NOC3L: variants seen among roughly 807,000 people sequenced by gnomAD.
NOC3L encodes NOC3 like DNA replication regulator, also known as nucleolar complex protein 3 homolog.
NOC3L carries 85 observed loss-of-function variants against 102.5 expected under a neutral mutation model. That is an observed-to-expected ratio of 0.83 (90% CI 0.70 to 0.99). The LOEUF is 0.99. Ranked by LOEUF, NOC3L falls within the 50% of genes least tolerant of loss-of-function variation. The probability of loss-of-function intolerance (pLI) is 0.00; values close to 1 mark genes in which losing one functional copy is unlikely to be tolerated. For synonymous variants in NOC3L, 303 were observed against 309.4 expected (o/e 0.98, Z 0.22); for missense variants, 878 against 914.9 (o/e 0.96, Z 0.52).
At chr10:94,336,354 G>GTT (rs796077651) in intron 19 of NOC3L, among the ~76,000 whole-genome samples, 14 of 144,784 alleles carry the variant, frequency 9.7e-5, no homozygotes, top group African/African-American at 3.0e-4. Flanking sequence ...ATAAATTTCT[G>GTT]TTTTTTTTTT....
At chr10:94,341,431 TAA>T (rs1285347169) in intron 14 of NOC3L, among the ~76,000 whole-genome samples, 1,830 of 139,790 alleles carry the variant, frequency 0.013, 47 homozygotes, top group African/African-American at 0.045. Context: ...TGCATCAATT[TAA>T]AAAAAAAAAA....
intron 14 of NOC3L, 54 bp from the exon 15 acceptor site, chr10:94,340,550 G>GC: frequency 7.0e-7 from 1 of 1,437,086 alleles, no homozygotes; most frequent in Non-Finnish European, 9.6e-7. Context: ...AATGGTAATT[G>GC]CCATTTATAG....
intron 17 of NOC3L, 112 bp downstream of exon 17, chr10:94,339,627 T>C: frequency 1.1e-6 from 1 of 883,532 alleles, no homozygotes; most frequent in Non-Finnish European, 1.7e-6. Context: ...GTTACAAGTG[T>C]GAATTACTTC....
At position 94,341,747 on chromosome 10, in the gene NOC3L, T is replaced by C. The variant is rs754627120; in HGVS notation, c.1572-2A>G. The C allele has an allele frequency of 1.3e-6, 2 of 1,533,954 alleles. No homozygotes were observed. Among genetic ancestry groups the C allele is most frequent in the Non-Finnish European group, 1.8e-6 (2 of 1,137,050 alleles). ...TCCACATTTATAAGGTGAGCAAACC[T>C]GGAATCAAACAAAACAGTTAATCAG... On this transcript the variant is annotated splice_acceptor_variant, in intron 13 of 20. Transcript: ENST00000371361. LOFTEE classifies it high-confidence loss of function.
intron 20 of NOC3L, 104 bp from the exon 21 acceptor site, chr10:94,334,409 A>G (rs893090617): frequency 5.5e-6 from 4 of 726,344 alleles, no homozygotes; most frequent in Non-Finnish European, 9.3e-6. Context: ...CAACACATGC[A>G]ACACAATGAC....
intron 5 of NOC3L, 130 bp downstream of exon 5, chr10:94,356,405 G>A: frequency 1.5e-6 from 1 of 647,476 alleles, no homozygotes; most frequent in Non-Finnish European, 2.7e-6. Context: ...GTGGAAAAAT[G>A]TTCAAAGTGA....
At chr10:94,347,038 A>C (rs1040432824) in intron 10 of NOC3L, among the ~76,000 whole-genome samples, 2 of 152,176 alleles carry the variant, frequency 1.3e-5, no homozygotes, top group Non-Finnish European at 2.9e-5. Context: ...CCATTCAAAA[A>C]TTCAGAAACT....
chr10:94,361,641 A>G, intron 2 of NOC3L, 24 bp downstream of exon 2: 1 of 1,600,022 alleles, frequency 6.2e-7, no homozygotes, highest in South Asian at 1.1e-5. Flanking sequence ...TGGAAACCAG[A>G]GCACATGATG....
intron 13 of NOC3L, among the ~76,000 whole-genome samples, chr10:94,343,288 T>C (rs182778241): frequency 6.6e-6 from 1 of 152,328 alleles, no homozygotes; most frequent in East Asian, 1.9e-4. Flanking sequence ...CTCACGCCTG[T>C]AATCCTAGCA....
intron 19 of NOC3L, among the ~76,000 whole-genome samples, chr10:94,337,359 A>G (rs1485729352): frequency 1.2e-5 from 1 of 86,710 alleles, no homozygotes; most frequent in African/African-American, 3.9e-5. Context: ...GGGCCATTCA[A>G]AAAAAAAAAA....
downstream of NOC3L, chr10:94,328,244 G>A: frequency 4.1e-6 from 1 of 245,976 alleles, no homozygotes. Context: ...TCTGTAAAGG[G>A]CCAAACAGTA....
At chr10:94,319,490 TCCTG>T in the NOC3L span, among the ~76,000 whole-genome samples, 1 of 152,186 alleles carries the variant, frequency 6.6e-6, no homozygotes, top group Non-Finnish European at 1.5e-5. Flanking sequence ...CTCTGATCTC[TCCTG>T]CCTTTTATAA....
chr10:94,316,678 G>C, the NOC3L span: 1 of 1,613,966 alleles, frequency 6.2e-7, no homozygotes, highest in South Asian at 1.1e-5. Context: ...GTCCAGAAGA[G>C]GAGATCATGC....
At chr10:94,315,023 G>A in the NOC3L span, 1 of 169,290 alleles carries the variant, frequency 5.9e-6, no homozygotes, top group Non-Finnish European at 1.3e-5. Context: ...GCAGTCCATT[G>A]CTTTACTGTC....
the NOC3L span, chr10:94,315,113 A>C: frequency 4.2e-6 from 1 of 238,210 alleles, no homozygotes; most frequent in South Asian, 5.7e-5. Flanking sequence ...GTGGCCCAGA[A>C]GCTTCACATC....
the NOC3L span, chr10:94,315,421 G>A: frequency 2.2e-6 from 1 of 456,052 alleles, no homozygotes; most frequent in Non-Finnish European, 4.4e-6. Context: ...TTTCTTCACT[G>A]CAACTGACCT....
intron 8 of NOC3L, among the ~76,000 whole-genome samples, chr10:94,351,691 A>ATTTT (rs72378230): frequency 7.1e-6 from 1 of 139,996 alleles, no homozygotes; most frequent in Non-Finnish European, 1.6e-5. Context: ...ATCATGCCTA[A>ATTTT]TTTTTTTTTT....
chr10:94,361,757 T>A lies in NOC3L; in HGVS notation c.125A>T (p.Tyr42Phe), dbSNP rs770726367. The change falls in exon 2 of 21, where the codon TAC (tyrosine) becomes TTC (phenylalanine). Residue 42 changes from tyrosine to phenylalanine, a missense_variant. Transcript: ENST00000371361. ...CCTTAGTTTCCTCTGTTCTTTTCGG[T>A]ACTTCTTGAGAGTGCTTTGTTGTTT... ...QFKQQSTLKKYRKEQRKLRQA... is the reference protein window; with the variant it reads ...QFKQQSTLKKFRKEQRKLRQA... 6.8e-6 allele frequency: 11 copies of A among 1,614,090 alleles called. No homozygotes were observed. The South Asian group carries it at 1.2e-4, about 18-fold the overall frequency.
At chr10:94,318,577 A>G in the NOC3L span, among the ~76,000 whole-genome samples, 1 of 152,154 alleles carries the variant, frequency 6.6e-6, no homozygotes, top group Non-Finnish European at 1.5e-5. Context: ...TGTTCTTTCC[A>G]CCATCCTGTG....
Sources: allele counts gnomAD v4.1 joint callset (sites outside exome capture counted in the v4.1 genomes callset), GRCh38; gene constraint gnomAD v4.1.1; transcripts MANE v1.5; gene names NCBI Gene and HGNC (gene_info 2026-07-23, HGNC 2026-07-21).